NDFIP2: variants seen among roughly 807,000 people sequenced by gnomAD.
NDFIP2 encodes Nedd4 family interacting protein 2.
In NDFIP2, 19 loss-of-function variants were observed where a neutral mutation model predicts 36.0. The ratio of observed to expected loss-of-function variants is 0.53; its 90% CI spans 0.37 to 0.77. NDFIP2 has a LOEUF of 0.77. NDFIP2 is among the 30% of genes least tolerant of loss of function. NDFIP2 has a pLI of 0.00. For synonymous variants in NDFIP2, 181 were observed against 167.7 expected, an observed-to-expected ratio of 1.08 and a Z score of -0.61; for missense variants, 446 against 435.8, an observed-to-expected ratio of 1.02 and a Z score of -0.21.
Position 79,553,132 on chromosome 13 carries a change from T to C in NDFIP2, c.*619T>C, listed in dbSNP as rs764724245. 2.0e-5 allele frequency: 3 copies of C among 151,692 alleles called. No individual in the cohort carries two copies. Among genetic ancestry groups the C allele is most frequent in the African/African-American group, 4.8e-5 (2 of 41,396 alleles). The allele number at this position is 151,692 out of a possible 1,614,324, so 9.4% of individuals were successfully genotyped here. On this transcript the variant is annotated 3_prime_UTR_variant, in exon 8 of 8. Transcript: ENST00000218652. ...ACTTTCTGCAATGTTTTCTTAGAAA[T>C]TGTGTCCAGATAGCTTTCACTAATT...
intron 2 of NDFIP2, among the ~76,000 whole-genome samples, chr13:79,530,569 C>T (rs1874976773): frequency 6.6e-6 from 1 of 152,238 alleles, no homozygotes; most frequent in Admixed American, 6.5e-5. Flanking sequence ...TCAATTCTCT[C>T]AATCCCTGCC....
chr13:79,549,843 C>A (rs1875834699), intron 6 of NDFIP2, among the ~76,000 whole-genome samples: 1 of 151,786 alleles, frequency 6.6e-6, no homozygotes, highest in Admixed American at 6.6e-5. Flanking sequence ...CAGAAGGAGT[C>A]CCAAAAGGAG....
intron 1 of NDFIP2, among the ~76,000 whole-genome samples, chr13:79,507,974 T>G (rs1873934919): frequency 6.6e-6 from 1 of 152,208 alleles, no homozygotes; most frequent in Admixed American, 6.5e-5. Flanking sequence ...CATGTATGCC[T>G]TATTATAATG....
chr13:79,500,314 G>T (rs764444457), intron 1 of NDFIP2, among the ~76,000 whole-genome samples: 4 of 151,940 alleles, frequency 2.6e-5, no homozygotes, highest in Non-Finnish European at 4.4e-5. Flanking sequence ...GACCTTGGAT[G>T]TGGTGATGAC....
At chr13:79,532,178 C>G (rs1875042484) in intron 2 of NDFIP2, among the ~76,000 whole-genome samples, 2 of 152,176 alleles carry the variant, frequency 1.3e-5, no homozygotes, top group Admixed American at 1.3e-4. Flanking sequence ...GCTAGAAGTA[C>G]TGGGACAGAG....
intron 1 of NDFIP2, among the ~76,000 whole-genome samples, chr13:79,495,783 CT>C (rs548032720): frequency 8.7e-4 from 132 of 151,728 alleles, no homozygotes; most frequent in Admixed American, 1.3e-3. Flanking sequence ...CCTTTTCTAT[CT>C]TCTTTTGGAT....
rs1425840596 is a variant in NDFIP2 at position 79,554,430 on chromosome 13, T to TA, written c.*1918dup. 1 of 151,808 alleles carries TA rather than the reference T, an allele frequency of 6.6e-6. No individual in the cohort carries two copies. The highest frequency in any genetic ancestry group is 1.5e-5 in the Non-Finnish European group (1 of 67,732). 9.4% of individuals were successfully genotyped at this position (151,808 alleles called of 1,614,324 possible). On this transcript the variant is annotated 3_prime_UTR_variant, in exon 8 of 8. Transcript: ENST00000218652. ...GAAGCTTAGCTATCAAACATCGACT[T>TA]ACTAAAATTTCATTTTAGCTTTTAT...
intron 1 of NDFIP2, among the ~76,000 whole-genome samples, chr13:79,509,319 G>T (rs1457110710): frequency 6.6e-6 from 1 of 152,126 alleles, no homozygotes; most frequent in Non-Finnish European, 1.5e-5. Flanking sequence ...CAGGTCATAG[G>T]TGGATTAATA....
At chr13:79,508,442 G>C (rs947147460) in intron 1 of NDFIP2, among the ~76,000 whole-genome samples, 8 of 152,208 alleles carry the variant, frequency 5.3e-5, no homozygotes, top group African/African-American at 1.9e-4. Flanking sequence ...AGGGCTGCTG[G>C]TTGCTCATAT....
In NDFIP2 at chr13:79,481,309, G is replaced by T. The variant is rs1285251789; in HGVS notation, c.106G>T (p.Val36Phe). ...LLRGTATNAE[V>F]SAAAAGATGS... The stretch of plus-strand genomic sequence containing the variant: ...CCGCGGAACCGCGACCAACGCGGAG[G>T]TCTCGGCGGCCGCTGCGGGAGCCAC... The change falls in exon 1 of 8, where the codon GTC (valine) becomes TTC (phenylalanine). Residue 36 changes from valine (V) to phenylalanine (F), a missense_variant. Val to Phe is a conservative substitution (Grantham distance 50). Transcript: ENST00000218652. 1 of 1,542,146 alleles carries T rather than the reference G, an allele frequency of 6.5e-7. No individual in the cohort carries two copies. Among genetic ancestry groups the T allele is most frequent in the South Asian group, 1.2e-5 (1 of 84,032 alleles).
chr13:79,551,186 T>C, intron 7 of NDFIP2, 64 bp downstream of exon 7: 1 of 889,608 alleles, frequency 1.1e-6, no homozygotes, highest in Non-Finnish European at 1.7e-6. Context: ...GCCAGATACA[T>C]ATTAAATGCC....
chr13:79,492,363 T>C (rs1594840193), intron 1 of NDFIP2, among the ~76,000 whole-genome samples: 1 of 152,004 alleles, frequency 6.6e-6, no homozygotes, highest in African/African-American at 2.4e-5. Context: ...TGACTTTTTG[T>C]GTGATTTCTG....
At chr13:79,545,506 A>T (rs903453688) in intron 5 of NDFIP2, among the ~76,000 whole-genome samples, 3 of 152,338 alleles carry the variant, frequency 2.0e-5, no homozygotes, top group African/African-American at 7.2e-5. Flanking sequence ...AGTTAATGTT[A>T]TGCCTTTAGT....
chr13:79,484,717 C>T (rs1043728284), intron 1 of NDFIP2, among the ~76,000 whole-genome samples: 3 of 152,046 alleles, frequency 2.0e-5, no homozygotes, highest in Non-Finnish European at 4.4e-5. Flanking sequence ...GAGTTGCCCT[C>T]GATAAATTAG....
At chr13:79,508,578 T>C (rs983200617) in intron 1 of NDFIP2, among the ~76,000 whole-genome samples, 1 of 152,184 alleles carries the variant, frequency 6.6e-6, no homozygotes, top group Non-Finnish European at 1.5e-5. Context: ...TGCTTGCTGG[T>C]GGGAGTGTAG....
At chr13:79,515,562 T>A (rs1326102097) in intron 1 of NDFIP2, among the ~76,000 whole-genome samples, 1 of 152,220 alleles carries the variant, frequency 6.6e-6, no homozygotes, top group Admixed American at 6.5e-5. Context: ...AAAAGACATT[T>A]GGAAAATAAC....
At chr13:79,520,357 C>T (rs1272295002) in intron 1 of NDFIP2, among the ~76,000 whole-genome samples, 2 of 152,098 alleles carry the variant, frequency 1.3e-5, no homozygotes, top group Non-Finnish European at 2.9e-5. Flanking sequence ...TTCCTCTTCC[C>T]CGTAGCACCA....
In NDFIP2 at chr13:79,554,390, TTAAA is replaced by T. The variant is rs1287717972; in HGVS notation, c.*1881_*1884del. On this transcript the variant is annotated 3_prime_UTR_variant, in exon 8 of 8. Coordinates refer to ENST00000218652, the MANE Select transcript of NDFIP2 (RefSeq NM_019080.3). ...GAAATTAAGCTTTGCTACATGGTAA[TTAAA>T]TAATTACTAGGAAGCTTAGCTATCA... The T allele has an allele frequency of 6.6e-6, 1 of 151,834 alleles. No individual in the cohort carries two copies. The highest frequency in any genetic ancestry group is 2.4e-5 in the African/African-American group (1 of 41,434). 9.4% of individuals were successfully genotyped at this position (151,834 alleles called of 1,614,324 possible).
At chr13:79,541,645 T>C (rs1875460898) in intron 4 of NDFIP2, among the ~76,000 whole-genome samples, 1 of 152,086 alleles carries the variant, frequency 6.6e-6, no homozygotes, top group South Asian at 2.1e-4. Context: ...GTGGCTGTTT[T>C]TCAAATTGCA....
Sources: allele counts gnomAD v4.1 joint callset (sites outside exome capture counted in the v4.1 genomes callset), GRCh38; gene constraint gnomAD v4.1.1; transcripts MANE v1.5; gene names NCBI Gene and HGNC (gene_info 2026-07-23, HGNC 2026-07-21).